The following PTPRN2 variants were observed in gnomAD, a reference collection of about 807,000 sequenced individuals.
PTPRN2 encodes the protein protein tyrosine phosphatase receptor type N2.
In PTPRN2, 74 loss-of-function variants were observed where a neutral mutation model predicts 118.8. The ratio of observed to expected loss-of-function variants is 0.62; its 90% CI spans 0.52 to 0.76. The LOEUF is 0.76. PTPRN2 is among the 30% of genes least tolerant of loss of function. PTPRN2 has a pLI of 0.00. For missense variants in PTPRN2, 1,481 were observed against 1,394.4 expected (o/e 1.06, Z -0.99); for synonymous variants, 641 against 608.0 (o/e 1.05, Z -0.80).
intron 11 of PTPRN2, among the ~76,000 whole-genome samples, chr7:158,077,850 A>G (rs1038129459): frequency 2.0e-5 from 3 of 152,230 alleles, no homozygotes; most frequent in African/African-American, 7.2e-5. Context: ...AGAAGAAACT[A>G]CCAAGGAAAT....
intron 11 of PTPRN2, among the ~76,000 whole-genome samples, chr7:157,926,285 T>C (rs376361639): frequency 1.4e-5 from 2 of 146,670 alleles, no homozygotes; most frequent in Non-Finnish European, 3.0e-5. Context: ...CTTCCATCTA[T>C]CCACCACTAA....
At chr7:157,789,061 G>A (rs988798538) in intron 12 of PTPRN2, among the ~76,000 whole-genome samples, 1 of 152,218 alleles carries the variant, frequency 6.6e-6, no homozygotes, top group Non-Finnish European at 1.5e-5. Flanking sequence ...GAGCTAAATT[G>A]CTAGAATTAG....
chr7:158,003,174 G>A lies in PTPRN2; in HGVS notation c.1723+78124C>T, dbSNP rs1209302632. On this transcript the variant is annotated intron_variant, in intron 11 of 22. Transcript: ENST00000389418. The surrounding 1 kb of genome is among the most constrained non-coding windows in gnomAD (Gnocchi z 5.0). ...TCACGCCTGTAATCCCAGCACTTTG[G>A]GAGGCCGAGACGGGCGGATCACGAG... is the stretch of plus-strand genomic sequence containing the variant. Among the ~76,000 whole-genome samples, 1 of 152,088 alleles carries A rather than the reference G, an allele frequency of 6.6e-6. No individual in the cohort carries two copies. Among genetic ancestry groups the A allele is most frequent in the Non-Finnish European group, 1.5e-5 (1 of 68,010 alleles).
At chr7:158,035,650 G>T (rs12698132) in intron 11 of PTPRN2, among the ~76,000 whole-genome samples, 1 of 152,190 alleles carries the variant, frequency 6.6e-6, no homozygotes, top group Non-Finnish European at 1.5e-5. Flanking sequence ...CTCAGGCTCT[G>T]GATGAAAACA....
intron 12 of PTPRN2, among the ~76,000 whole-genome samples, chr7:157,746,625 C>A (rs372013282): frequency 7.0e-6 from 1 of 143,786 alleles, no homozygotes; most frequent in Non-Finnish European, 1.5e-5. Flanking sequence ...ACGGTGCCAA[C>A]AGCATAGAGA....
intron 12 of PTPRN2, among the ~76,000 whole-genome samples, chr7:157,891,521 G>A (rs1177933875): frequency 5.7e-5 from 7 of 121,870 alleles, no homozygotes; most frequent in African/African-American, 9.5e-5. Flanking sequence ...CACATCACAC[G>A]GCAAATTCAC....
At chr7:158,262,888 TTCA>T (rs1797586197) in intron 3 of PTPRN2, among the ~76,000 whole-genome samples, 1 of 115,180 alleles carries the variant, frequency 8.7e-6, no homozygotes. Context: ...CACACATACA[TTCA>T]CACACACTGC....
rs113192454 is a variant in PTPRN2 at position 158,195,158 on chromosome 7, A to G, written c.381-2663T>C. On this transcript the variant is annotated intron_variant, in intron 4 of 22. Coordinates refer to ENST00000389418, the MANE Select transcript of PTPRN2 (RefSeq NM_002847.5). ...GGTGATGATGTCCTTCAGCGTCTGT[A>G]TTTCTGAGAAAGCCAATAATTTTAC... is the stretch of plus-strand genomic sequence containing the variant. 3.3e-3 allele frequency among the ~76,000 whole-genome samples: 496 copies of G among 152,246 alleles called. 4 individuals carry two copies. The highest frequency in any genetic ancestry group is 0.011 in the African/African-American group (475 of 41,550).
In PTPRN2 at chr7:158,578,537, T is replaced by TAAAAAAAAA. The variant is rs59811856; in HGVS notation, c.112+9012_112+9020dup. On this transcript the variant is annotated intron_variant, in intron 1 of 22. Transcript: ENST00000389418. ...GCTACAGAGCCAGACCCTGTCTCTG[T>TAAAAAAAAA]AAAAAAAAAAAAAATCATAGATTCA... Among the ~76,000 whole-genome samples, 105 of 125,888 alleles carry TAAAAAAAAA rather than the reference T, an allele frequency of 8.3e-4. 7 individuals carry two copies. Among genetic ancestry groups the TAAAAAAAAA allele is most frequent in the Admixed American group, 1.4e-3 (16 of 11,692 alleles). The allele number at this position is 125,888 out of a possible 152,430, so 82.6% of individuals were successfully genotyped here. A position where few individuals can be genotyped will look rare whatever the true frequency, so the allele number is the denominator to read the frequency against.
intron 14 of PTPRN2, among the ~76,000 whole-genome samples, chr7:157,643,946 G>A (rs1184402614): frequency 1.3e-5 from 2 of 152,230 alleles, no homozygotes; most frequent in African/African-American, 2.4e-5. Context: ...TCACCAGTGC[G>A]GGGAGACTGG....
chr7:158,002,646 G>A (rs565633831), intron 11 of PTPRN2, among the ~76,000 whole-genome samples: 297 of 152,314 alleles, frequency 1.9e-3, no homozygotes, highest in African/African-American at 6.8e-3. Context: ...AGGACACCAC[G>A]GGGGTCAGGG....
chr7:158,332,838 G>A (rs1804773165), intron 2 of PTPRN2, among the ~76,000 whole-genome samples: 2 of 149,756 alleles, frequency 1.3e-5, no homozygotes, highest in South Asian at 2.1e-4. Flanking sequence ...CATAAGAGGT[G>A]ACACATGCAA....
chr7:157,714,531 G>A (rs1199007508), intron 12 of PTPRN2, among the ~76,000 whole-genome samples: 1 of 152,194 alleles, frequency 6.6e-6, no homozygotes, highest in East Asian at 1.9e-4. Flanking sequence ...TTTAGGAATT[G>A]TGATTCCTGA....
chr7:157,698,410 T>C (rs950177878), intron 12 of PTPRN2, among the ~76,000 whole-genome samples: 4 of 152,256 alleles, frequency 2.6e-5, no homozygotes, highest in African/African-American at 4.8e-5. Flanking sequence ...AATGATGAGA[T>C]AGACTTGATA....
chr7:157,905,944 C>T (rs1211418547), intron 11 of PTPRN2, among the ~76,000 whole-genome samples: 1 of 152,156 alleles, frequency 6.6e-6, no homozygotes, highest in East Asian at 1.9e-4. Flanking sequence ...TAGGGTAAGA[C>T]CTGCATCCTG....
chr7:158,521,278 A>G (rs533162441), intron 1 of PTPRN2, among the ~76,000 whole-genome samples: 2 of 152,346 alleles, frequency 1.3e-5, no homozygotes, highest in South Asian at 4.1e-4. Flanking sequence ...AAGGGACCTG[A>G]GAAAACATCT....
chr7:157,749,052 C>T (rs56291695), intron 12 of PTPRN2, among the ~76,000 whole-genome samples: 44 of 90,766 alleles, frequency 4.8e-4, no homozygotes, highest in African/African-American at 1.4e-3. Flanking sequence ...CTGAGGCCTG[C>T]GTCCCTGAGC....
chr7:158,504,010 T>G (rs1822568262), intron 1 of PTPRN2, among the ~76,000 whole-genome samples: 1 of 150,710 alleles, frequency 6.6e-6, no homozygotes, highest in South Asian at 2.1e-4. Context: ...GGAAAAAAAA[T>G]TATTGGGAAT....
At chr7:158,117,038 A>G (rs1355888787) in intron 9 of PTPRN2, among the ~76,000 whole-genome samples, 1 of 149,800 alleles carries the variant, frequency 6.7e-6, no homozygotes, top group Non-Finnish European at 1.5e-5. Flanking sequence ...CAAAGAAACA[A>G]GAAACTACAG....
Sources: allele counts gnomAD v4.1 joint callset (sites outside exome capture counted in the v4.1 genomes callset), GRCh38; gene constraint gnomAD v4.1.1; non-coding constraint Gnocchi (gnomAD v3.1); transcripts MANE v1.5; gene names NCBI Gene and HGNC (gene_info 2026-07-23, HGNC 2026-07-21).